KBTBD2: variants seen among roughly 807,000 people sequenced by gnomAD.
KBTBD2 encodes the protein kelch repeat and BTB domain-containing protein 2.
Under a neutral mutation model 57.1 loss-of-function variants are expected in KBTBD2, and 17 were observed. The observed-to-expected ratio is 0.30, with a 90% CI of 0.20 to 0.45. KBTBD2 has a LOEUF of 0.45. Among genes scored for constraint, KBTBD2 ranks in the 20% least tolerant of loss-of-function variants. KBTBD2 has a pLI of 1.00. For synonymous variants in KBTBD2, 267 were observed against 262.7 expected (o/e 1.02, Z -0.16); for missense variants, 515 against 750.6 (o/e 0.69, Z 3.67).
intron 2 of KBTBD2, 66 bp from the exon 3 acceptor site, chr7:32,875,223 G>T: frequency 7.2e-7 from 1 of 1,380,188 alleles, no homozygotes; most frequent in Non-Finnish European, 1.0e-6. Flanking sequence ...GAGCTGAAAA[G>T]AACAATTAGA....
In KBTBD2 at chr7:32,869,114, CAT is replaced by C. The variant is rs1370488619; in HGVS notation, c.*229_*230del. The C allele has an allele frequency of 9.2e-6, 4 of 435,602 alleles. No homozygotes were observed. The highest frequency in any genetic ancestry group is 2.0e-5 in the African/African-American group (1 of 50,474). 27.0% of individuals were successfully genotyped at this position (435,602 alleles called of 1,614,324 possible). ...AGATTCTTATACTCTCATGATTACACATAAAGTTTCTCAATTATTGAATAATC... is the reference window on the plus strand; with the variant it reads ...AGATTCTTATACTCTCATGATTACACAAAGTTTCTCAATTATTGAATAATC... On this transcript the variant is annotated 3_prime_UTR_variant, in exon 4 of 4. Transcript: ENST00000304056.
intron 1 of KBTBD2, among the ~76,000 whole-genome samples, chr7:32,888,976 C>T (rs371392230): frequency 3.9e-5 from 6 of 152,296 alleles, no homozygotes; most frequent in African/African-American, 1.4e-4. Context: ...TTGGGTATCA[C>T]TTTTCCTTTT....
rs1784396690 is a variant in KBTBD2, at chr7:32,879,463, C to A, written c.142G>T (p.Val48Phe). The A allele has an allele frequency of 6.2e-7, 1 of 1,612,264 alleles. No individual in the cohort carries two copies. Among genetic ancestry groups the A allele is most frequent in the Non-Finnish European group, 8.5e-7 (1 of 1,178,714 alleles). ...AAATAAGAGCTACATGTTGCAAGAA[C>A]CATCTTATGACAAGGGAATTCAGTG... ...EGTEFPCHKM[V>F]LATCSSYFRA... Residue 48 changes from valine to phenylalanine, a missense_variant, in exon 2 of 4, where the codon GTT becomes TTT. Transcript: ENST00000304056.
rs1784404581 is a variant in KBTBD2 at position 32,879,842 on chromosome 7, T to G, written c.-238A>C. ...GTTTTTCAACACAGTCTGCAGACAT[T>G]GTGCTCAAATCTGCAATTGTGCAGC... is the stretch of plus-strand genomic sequence containing the variant. On this transcript the variant is annotated 5_prime_UTR_variant, in exon 2 of 4. Coordinates refer to ENST00000304056, the MANE Select transcript of KBTBD2 (RefSeq NM_015483.3). 4.7e-6 allele frequency: 2 copies of G among 421,988 alleles called. No homozygotes were observed. Among genetic ancestry groups the G allele is most frequent in the Non-Finnish European group, 8.4e-6 (2 of 237,672 alleles). 26.1% of individuals were successfully genotyped at this position (421,988 alleles called of 1,614,324 possible).
chr7:32,876,973 A>G (rs1784328106), intron 2 of KBTBD2, among the ~76,000 whole-genome samples: 1 of 151,974 alleles, frequency 6.6e-6, no homozygotes. Context: ...GGAACAAACA[A>G]ACAGACAAAC....
At chr7:32,871,242 A>G (rs1381761362) in intron 3 of KBTBD2, among the ~76,000 whole-genome samples, 3 of 152,216 alleles carry the variant, frequency 2.0e-5, no homozygotes, top group Non-Finnish European at 4.4e-5. Flanking sequence ...AAATGTAAAT[A>G]AATCATAGTA....
At chr7:32,878,976 T>C (rs1342531356) in intron 2 of KBTBD2, among the ~76,000 whole-genome samples, 1 of 152,152 alleles carries the variant, frequency 6.6e-6, no homozygotes, top group Admixed American at 6.5e-5. Context: ...ATATCACAAA[T>C]GGTAATAGTA....
chr7:32,891,984 C>G (rs537625379), upstream of KBTBD2: 3 of 121,494 alleles, frequency 2.5e-5, no homozygotes, highest in African/African-American at 1.2e-4. Flanking sequence ...CGCGCCCGCC[C>G]TCGCCACGCC....
chr7:32,888,072 TAC>T (rs1784624638), intron 1 of KBTBD2, among the ~76,000 whole-genome samples: 2 of 152,346 alleles, frequency 1.3e-5, no homozygotes, highest in African/African-American at 4.8e-5. Context: ...GCACTCCAAA[TAC>T]AGTTCTCTTT....
rs993963892 is a variant in KBTBD2 at position 32,887,736 on chromosome 7, T to C, written c.-339+3800A>G. On this transcript the variant is annotated intron_variant, in intron 1 of 3. Coordinates refer to ENST00000304056, the MANE Select transcript of KBTBD2 (RefSeq NM_015483.3). ...AGGCGTTCTCCATGGAGGTCAACCG[T>C]TGAAAAATAATTGAGTACAAACCCA... Among the ~76,000 whole-genome samples the C allele has an allele frequency of 3.3e-5, 5 of 152,352 alleles. No homozygotes were observed. The East Asian group carries it at 9.6e-4, about 29-fold the overall frequency.
Position 32,875,045 on chromosome 7 carries a change from C to A in KBTBD2, c.283G>T (p.Ala95Ser). ...IITYAYTGNL[A>S]MNDSTVEQLY... is the part of the protein sequence containing the mutation. ...TGTTCTACAGTGCTGTCATTCATTGCCAAGTTACCCGTGTATGCATAAGTT... is the reference window on the plus strand; with the variant it reads ...TGTTCTACAGTGCTGTCATTCATTGACAAGTTACCCGTGTATGCATAAGTT... Residue 95 changes from alanine (A) to serine (S), a missense_variant, in exon 3 of 4, where the codon GCA (alanine) becomes TCA (serine). Ala to Ser is a moderately conservative substitution (Grantham distance 99). Coordinates refer to ENST00000304056, the MANE Select transcript of KBTBD2 (RefSeq NM_015483.3). 6.2e-7 allele frequency: 1 copy of A among 1,614,142 alleles called. No homozygotes were observed. The highest frequency in any genetic ancestry group is 8.5e-7 in the Non-Finnish European group (1 of 1,179,988).
Position 32,870,318 on chromosome 7 carries a change from C to T in KBTBD2, c.899G>A (p.Ser300Asn), listed in dbSNP as rs1442449476. The T allele has an allele frequency of 6.2e-7, 1 of 1,613,820 alleles. No individual in the cohort carries two copies. Among genetic ancestry groups the T allele is most frequent in the Non-Finnish European group, 8.5e-7 (1 of 1,179,962 alleles). ...AACCTTATGCAAATCAGCTGGTGGG[C>T]TACATAACTTGTAAACTTTTTCTGC... is the stretch of plus-strand genomic sequence containing the variant. The part of the protein sequence containing the change: ...PQAEKVYKLC[S>N]PPADLHKVGT... Residue 300 changes from serine to asparagine, a missense_variant, in exon 4 of 4, where the codon AGC becomes AAC. Ser to Asn is a conservative substitution (Grantham distance 46). Coordinates refer to ENST00000304056, the MANE Select transcript of KBTBD2 (RefSeq NM_015483.3).
At chr7:32,883,050 A>G (rs1784482446) in intron 1 of KBTBD2, among the ~76,000 whole-genome samples, 1 of 152,070 alleles carries the variant, frequency 6.6e-6, no homozygotes. Flanking sequence ...CTCTGGGAGC[A>G]TGGACTTCAA....
At chr7:32,870,993 C>T (rs1298894730) in intron 3 of KBTBD2, 113 bp from the exon 4 acceptor site, 2 of 625,598 alleles carry the variant, frequency 3.2e-6, no homozygotes, top group Non-Finnish European at 2.7e-6. Context: ...TTTTTATTTT[C>T]AGATACACAC....
chr7:32,872,542 G>T (rs1583773650), intron 3 of KBTBD2, among the ~76,000 whole-genome samples: 1 of 152,088 alleles, frequency 6.6e-6, no homozygotes, highest in East Asian at 1.9e-4. Flanking sequence ...GCCAAGTGTG[G>T]TGATGCATGT....
intron 2 of KBTBD2, among the ~76,000 whole-genome samples, chr7:32,877,940 C>A (rs1010341788): frequency 6.6e-6 from 1 of 151,516 alleles, no homozygotes; most frequent in South Asian, 2.1e-4. Flanking sequence ...GAAACCCCGT[C>A]TCTACTAAAA....
At chr7:32,889,998 T>C (rs1054819449) in intron 1 of KBTBD2, among the ~76,000 whole-genome samples, 2 of 152,254 alleles carry the variant, frequency 1.3e-5, no homozygotes, top group Non-Finnish European at 2.9e-5. Context: ...CCTCTATTCC[T>C]TCCCATCTCC....
rs1367967386 is a variant in KBTBD2, at chr7:32,868,605, G to A, written c.*740C>T. 1 of 152,582 alleles carries A rather than the reference G, an allele frequency of 6.6e-6. No individual in the cohort carries two copies. The highest frequency in any genetic ancestry group is 1.5e-5 in the Non-Finnish European group (1 of 68,028). The allele number at this position is 152,582 out of a possible 1,614,324, so 9.5% of individuals were successfully genotyped here. On this transcript the variant is annotated 3_prime_UTR_variant, in exon 4 of 4. Transcript: ENST00000304056. ...CCAATGTTAACATAATACAGAAAGTGGAGGCTTTTTCTGATTAAAGCTCCA... is the reference window on the plus strand; with the variant it reads ...CCAATGTTAACATAATACAGAAAGTAGAGGCTTTTTCTGATTAAAGCTCCA...
At chr7:32,874,094 C>G (rs972895371) in intron 3 of KBTBD2, among the ~76,000 whole-genome samples, 2 of 152,034 alleles carry the variant, frequency 1.3e-5, no homozygotes, top group Admixed American at 6.6e-5. Context: ...GAGATCGTGT[C>G]TCTACAAAAA....
Sources: gnomAD v4.1 joint callset for allele counts (sites outside exome capture counted in the v4.1 genomes callset) on GRCh38, gnomAD v4.1.1 for gene constraint, MANE v1.5 for transcripts, NCBI Gene and HGNC (gene_info 2026-07-23, HGNC 2026-07-21) for gene names.